Variants in DACH1 observed in about 807,000 individuals in gnomAD.
DACH1 encodes the protein dachshund homolog 1.
DACH1 carries 12 observed loss-of-function variants against 54.2 expected under a neutral mutation model. The ratio of observed to expected loss-of-function variants is 0.22; its 90% CI spans 0.14 to 0.36. DACH1 has a LOEUF of 0.36. DACH1 is among the 10% of genes least tolerant of loss of function. The pLI, the probability that DACH1 is intolerant of heterozygous loss-of-function variation, is 1.00. For synonymous variants in DACH1, 386 were observed against 366.2 expected, an observed-to-expected ratio of 1.05 and a Z score of -0.62; for missense variants, 805 against 929.8, an observed-to-expected ratio of 0.87 and a Z score of 1.75.
chr13:71,825,660 C>T (rs1210573007), intron 1 of DACH1, among the ~76,000 whole-genome samples: 1 of 152,024 alleles, frequency 6.6e-6, no homozygotes, highest in Non-Finnish European at 1.5e-5. Context: ...CCGAGTAATA[C>T]ACATTGGATA....
rs147106287 is a variant in DACH1, at chr13:71,733,677, AG to A, written c.849-51768del. On this transcript the variant is annotated intron_variant, in intron 1 of 10. Coordinates refer to ENST00000613252, the MANE Select transcript of DACH1 (RefSeq NM_080759.6). ...CCCAGTGTGTTGGTGACTTCCTAAA[AG>A]TAAGCTAGTCATTTTGCAATTTCAC... Among the ~76,000 whole-genome samples, 474 of 152,268 alleles carry A rather than the reference AG, an allele frequency of 3.1e-3. 2 individuals are homozygous for A. The highest frequency in any genetic ancestry group is 0.011 in the African/African-American group (446 of 41,538).
chr13:71,645,142 C>G (rs1295954183), intron 2 of DACH1, among the ~76,000 whole-genome samples: 1 of 152,088 alleles, frequency 6.6e-6, no homozygotes, highest in African/African-American at 2.4e-5. Flanking sequence ...TGATTTTACG[C>G]AAGAAACCAT....
At chr13:71,608,731 A>G (rs1310163415) in intron 3 of DACH1, among the ~76,000 whole-genome samples, 2 of 152,134 alleles carry the variant, frequency 1.3e-5, no homozygotes, top group East Asian at 3.8e-4. Flanking sequence ...TCAAAAGGAA[A>G]AATGTATGGG....
chr13:71,536,791 C>T (rs1882836283), intron 6 of DACH1, among the ~76,000 whole-genome samples: 1 of 152,006 alleles, frequency 6.6e-6, no homozygotes, highest in African/African-American at 2.4e-5. Flanking sequence ...TTCTATCATC[C>T]TTTCCCCATT....
rs61292844 is a variant in DACH1 at position 71,748,894 on chromosome 13, CTTTCTCTT to C, written c.849-66992_849-66985del. Among the ~76,000 whole-genome samples, 441 of 86,354 alleles carry C rather than the reference CTTTCTCTT, an allele frequency of 5.1e-3. 2 individuals carry two copies. Among genetic ancestry groups the C allele is most frequent in the East Asian group, 0.012 (25 of 2,058 alleles). The allele number at this position is 86,354 out of a possible 152,430, so 56.7% of individuals were successfully genotyped here. The stretch of plus-strand genomic sequence containing the variant: ...TCTTTCTTTCTTTCTTTCTTTCTTT[CTTTCTCTT>C]TCTTTCTTTCTTTCTTTCTTTCTTT... On this transcript the variant is annotated intron_variant, in intron 1 of 10. Coordinates refer to ENST00000613252, the MANE Select transcript of DACH1 (RefSeq NM_080759.6).
intron 4 of DACH1, among the ~76,000 whole-genome samples, chr13:71,569,468 C>CT (rs1566348513): frequency 1.3e-5 from 2 of 151,898 alleles, no homozygotes; most frequent in African/African-American, 2.4e-5. Context: ...AAATATTTTT[C>CT]TTTTTATTTT....
At chr13:71,519,599 G>A (rs1190454433) in intron 6 of DACH1, among the ~76,000 whole-genome samples, 1 of 151,336 alleles carries the variant, frequency 6.6e-6, no homozygotes, top group Admixed American at 6.6e-5. Flanking sequence ...GGTTAAAGGT[G>A]AAATCTTGTT....
At chr13:71,678,592 GCCTC>G (rs917414575) in intron 2 of DACH1, among the ~76,000 whole-genome samples, 9 of 151,638 alleles carry the variant, frequency 5.9e-5, no homozygotes, top group East Asian at 1.9e-4. Flanking sequence ...CTCGCTCCCT[GCCTC>G]CCTCCCTCCC....
In DACH1 at chr13:71,825,739, T is replaced by C. The variant is rs140860439; in HGVS notation, c.848+40183A>G. ...TTGGCTTGTTATTTTGTTTGGGCTA[T>C]TATGAATAATGGTGCTATGAACACT... On this transcript the variant is annotated intron_variant, in intron 1 of 10. Coordinates refer to ENST00000613252, the MANE Select transcript of DACH1 (RefSeq NM_080759.6). 3.4e-3 allele frequency among the ~76,000 whole-genome samples: 513 copies of C among 152,254 alleles called. 3 individuals carry two copies. The highest frequency in any genetic ancestry group is 6.4e-3 in the Admixed American group (97 of 15,268).
At chr13:71,542,504 A>G (rs1032866091) in intron 6 of DACH1, among the ~76,000 whole-genome samples, 1 of 152,160 alleles carries the variant, frequency 6.6e-6, no homozygotes, top group African/African-American at 2.4e-5. Context: ...ATGTGTCGAT[A>G]GCTGACTTTT....
intron 3 of DACH1, among the ~76,000 whole-genome samples, chr13:71,597,788 G>A (rs1237091844): frequency 2.6e-5 from 4 of 152,120 alleles, no homozygotes; most frequent in African/African-American, 9.7e-5. Flanking sequence ...AAAAATTGGA[G>A]GCCCTATTAT....
At position 71,866,122 on chromosome 13, in the gene DACH1, G is replaced by A. The variant is rs1019334135; in HGVS notation, c.648C>T (p.Asp216=). 2 of 1,613,626 alleles carry A rather than the reference G, an allele frequency of 1.2e-6. No homozygotes were observed. The highest frequency in any genetic ancestry group is 1.3e-5 in the African/African-American group (1 of 74,854). The change falls in exon 1 of 11, where the codon GAC becomes GAT. Residue 216 remains aspartate, a synonymous_variant. Coordinates refer to ENST00000613252, the MANE Select transcript of DACH1 (RefSeq NM_080759.6). ...CCCCCACCAAGTGCTTCAGGAACAG[G>A]TCGAAAGCCTGGGGCAGGCAGATCA... is the stretch of plus-strand genomic sequence containing the variant. The part of the protein sequence containing the change: ...CELICLPQAF[D]LFLKHLVGGL...
chr13:71,482,431 T>C (rs910979887), intron 7 of DACH1, among the ~76,000 whole-genome samples: 1 of 152,208 alleles, frequency 6.6e-6, no homozygotes, highest in Admixed American at 6.5e-5. Flanking sequence ...AATCAGACAA[T>C]ATCTAAGGTT....
At chr13:71,652,963 A>G (rs1158376928) in intron 2 of DACH1, among the ~76,000 whole-genome samples, 1 of 152,166 alleles carries the variant, frequency 6.6e-6, no homozygotes, top group African/African-American at 2.4e-5. Flanking sequence ...AGGGCCAACA[A>G]TTTATCCAAA....
chr13:71,845,338 T>C (rs1268380951), intron 1 of DACH1, among the ~76,000 whole-genome samples: 2 of 152,196 alleles, frequency 1.3e-5, no homozygotes, highest in African/African-American at 2.4e-5. Flanking sequence ...AGTGTGCCAA[T>C]ATGAAAAACA....
chr13:71,570,001 T>C (rs1483098293), intron 4 of DACH1, among the ~76,000 whole-genome samples: 6 of 152,266 alleles, frequency 3.9e-5, no homozygotes, highest in Admixed American at 2.6e-4. Flanking sequence ...ACGTGTCCAA[T>C]ACTGTTAAAG....
chr13:71,796,803 T>C (rs1001982602), intron 1 of DACH1, among the ~76,000 whole-genome samples: 12 of 152,104 alleles, frequency 7.9e-5, no homozygotes, highest in Non-Finnish European at 1.5e-4. Flanking sequence ...AATTCACCAG[T>C]AAACTTTGCC....
intron 6 of DACH1, among the ~76,000 whole-genome samples, chr13:71,496,261 GTA>G (rs35142229): frequency 0.088 from 3,217 of 36,744 alleles, 93 homozygotes; most frequent in Non-Finnish European, 0.1. Flanking sequence ...AAATTGCTAT[GTA>G]TATATATATA....
chr13:71,608,386 G>A (rs1458601345), intron 3 of DACH1, among the ~76,000 whole-genome samples: 1 of 151,930 alleles, frequency 6.6e-6, no homozygotes, highest in South Asian at 2.1e-4. Flanking sequence ...ATGTTGGTTT[G>A]TTAAGAACAT....
Sources: gnomAD v4.1 joint callset for allele counts (sites outside exome capture counted in the v4.1 genomes callset) on GRCh38, gnomAD v4.1.1 for gene constraint, MANE v1.5 for transcripts, NCBI Gene and HGNC (gene_info 2026-07-23, HGNC 2026-07-21) for gene names.